The following ABCA13 variants were observed in gnomAD, a reference collection of about 807,000 sequenced individuals.
ABCA13 encodes the protein ATP binding cassette subfamily A member 13, also known as ATP-binding cassette sub-family A member 13.
Under a neutral mutation model 478.7 loss-of-function variants are expected in ABCA13, and 476 were observed. The ratio of observed to expected loss-of-function variants is 0.99; its 90% CI spans 0.92 to 1.07. ABCA13 has a LOEUF of 1.07. ABCA13 is among the 50% of genes least tolerant of loss of function. The pLI is 0.00. For missense variants in ABCA13, 6,060 were observed against 5,910.6 expected, an observed-to-expected ratio of 1.03 and a Z score of -0.83; for synonymous variants, 2,252 against 2,158.9, an observed-to-expected ratio of 1.04 and a Z score of -1.20.
rs1269533180 is a variant in ABCA13, at chr7:48,279,800, C to A, written c.8606C>A (p.Thr2869Asn). 6.2e-7 allele frequency: 1 copy of A among 1,602,060 alleles called. No individual in the cohort carries two copies. The highest frequency in any genetic ancestry group is 2.2e-5 in the East Asian group (1 of 44,744). ...GTCACATCAGAAAAAGAAGAGAGAACCAAGAAAGAGATGATTGACTTTCCT... is the reference window on the plus strand; with the variant it reads ...GTCACATCAGAAAAAGAAGAGAGAAACAAGAAAGAGATGATTGACTTTCCT... The part of the protein sequence containing the change: ...KNVTSEKEER[T>N]KKEMIDFPYS... Residue 2869 changes from threonine to asparagine, a missense_variant, in exon 18 of 62, where the codon ACC (threonine) becomes AAC (asparagine). Physicochemically the swap from Thr to Asn is moderately conservative, Grantham distance 65. Around this residue, in one of 3 missense-constraint regions of ABCA13, gnomAD observed 4,423 missense variants for 4,309.1 expected, o/e 1.03. Coordinates refer to ENST00000435803, the MANE Select transcript of ABCA13 (RefSeq NM_152701.5).
intron 44 of ABCA13, 129 bp downstream of exon 44, chr7:48,467,174 C>A: frequency 1.1e-6 from 1 of 895,100 alleles, no homozygotes; most frequent in South Asian, 1.4e-5. Flanking sequence ...TGAAAATTAG[C>A]CTAATGACTA....
intron 39 of ABCA13, 107 bp downstream of exon 39, chr7:48,403,986 A>T (rs1387238135): frequency 7.7e-7 from 1 of 1,301,946 alleles, no homozygotes; most frequent in South Asian, 1.3e-5. Context: ...AGGCTACATT[A>T]TCCTTTTCAG....
At chr7:48,444,323 C>A (rs1824004514) in intron 42 of ABCA13, among the ~76,000 whole-genome samples, 1 of 152,160 alleles carries the variant, frequency 6.6e-6, no homozygotes, top group Non-Finnish European at 1.5e-5. Flanking sequence ...CTGTGACTTG[C>A]ATCGTCGTCT....
rs2128753079 is a variant in ABCA13, at chr7:48,273,701, C to T, written c.4035C>T (p.Ser1345=). The T allele has an allele frequency of 3.7e-6, 6 of 1,608,174 alleles. No homozygotes were observed. The East Asian group carries it at 8.9e-5, about 24-fold the overall frequency. The change falls in exon 17 of 62, where the codon TCC becomes TCT. Residue 1345 remains serine (S), a synonymous_variant. Coordinates refer to ENST00000435803, the MANE Select transcript of ABCA13 (RefSeq NM_152701.5). The part of the protein sequence containing the change: ...RNVSHDRDLF[S]CADIFQNVTE... ...TATCACATGATCGAGATTTGTTTTC[C>T]TGTGCTGATATTTTCCAAAATGTTA...
rs971752493 is a variant in ABCA13, at chr7:48,293,195, C to CCCG, written c.8956-2503_8956-2502insGCC. 2.6e-3 allele frequency among the ~76,000 whole-genome samples: 335 copies of CCCG among 130,994 alleles called. 24 individuals are homozygous for CCCG. The highest frequency in any genetic ancestry group is 8.7e-3 in the East Asian group (31 of 3,546). The allele number at this position is 130,994 out of a possible 152,430, so 85.9% of individuals were successfully genotyped here. ...ATCATTTCCTGAGAAGTCTTCAGCC[C>CCCG]CCCCCCCGCCACACACACACTAAAT... is the stretch of plus-strand genomic sequence containing the variant. On this transcript the variant is annotated intron_variant, in intron 20 of 61. Coordinates refer to ENST00000435803, the MANE Select transcript of ABCA13 (RefSeq NM_152701.5).
At chr7:48,519,400 C>A (rs1832371184) in intron 52 of ABCA13, among the ~76,000 whole-genome samples, 2 of 152,138 alleles carry the variant, frequency 1.3e-5, no homozygotes, top group Admixed American at 6.5e-5. Flanking sequence ...CAGTGGTGAA[C>A]AATAAGTCTG....
Position 48,475,458 on chromosome 7 carries a change from A to ATTTTTT in ABCA13, c.12975+3879_12975+3884dup, listed in dbSNP as rs398047655. Among the ~76,000 whole-genome samples the ATTTTTT allele has an allele frequency of 3.2e-4, 32 of 100,496 alleles. 1 individual carries two copies. Among genetic ancestry groups the ATTTTTT allele is most frequent in the Non-Finnish European group, 3.4e-4 (18 of 53,072 alleles). 65.9% of individuals were successfully genotyped at this position (100,496 alleles called of 152,430 possible). A position where few individuals can be genotyped will look rare whatever the true frequency, so the allele number is the denominator to read the frequency against. On this transcript the variant is annotated intron_variant, in intron 45 of 61. Coordinates refer to ENST00000435803, the MANE Select transcript of ABCA13 (RefSeq NM_152701.5). ...GGGTCTGCAAGAGCATGTCAATTTA[A>ATTTTTT]TTTTTTTTTTTTTTTTTTTTTTTTT...
At chr7:48,213,224 T>C (rs1007589575) in intron 3 of ABCA13, among the ~76,000 whole-genome samples, 34 of 152,318 alleles carry the variant, frequency 2.2e-4, no homozygotes, top group African/African-American at 8.2e-4. Context: ...TCAGTTGATT[T>C]GTTAATAGTA....
chr7:48,497,507 CTGTAATA>C (rs982755921), intron 48 of ABCA13, among the ~76,000 whole-genome samples: 1 of 152,080 alleles, frequency 6.6e-6, no homozygotes, highest in African/African-American at 2.4e-5. Flanking sequence ...ATTTTGGAAA[CTGTAATA>C]TGTGACTCTG....
At chr7:48,327,867 G>T (rs1468256384) in intron 27 of ABCA13, among the ~76,000 whole-genome samples, 2 of 152,144 alleles carry the variant, frequency 1.3e-5, no homozygotes, top group Admixed American at 1.3e-4. Flanking sequence ...TCACCTTTGG[G>T]AGGATGAGAA....
intron 60 of ABCA13, among the ~76,000 whole-genome samples, chr7:48,644,085 C>T (rs1795282968): frequency 2.6e-5 from 4 of 152,140 alleles, no homozygotes; most frequent in Admixed American, 2.6e-4. Context: ...TTAGTGAAAT[C>T]CTACTATGCA....
At chr7:48,316,349 T>C (rs1802580487) in intron 26 of ABCA13, among the ~76,000 whole-genome samples, 1 of 152,250 alleles carries the variant, frequency 6.6e-6, no homozygotes, top group Non-Finnish European at 1.5e-5. Flanking sequence ...TTGTGACTGT[T>C]GAAATGAGAA....
intron 48 of ABCA13, among the ~76,000 whole-genome samples, chr7:48,500,274 G>A (rs1004424465): frequency 2.6e-5 from 4 of 152,144 alleles, no homozygotes; most frequent in Non-Finnish European, 5.9e-5. Flanking sequence ...AGAACAAGGG[G>A]TATCATGGGA....
At chr7:48,335,658 C>T in intron 28 of ABCA13, 123 bp downstream of exon 28, 1 of 588,082 alleles carries the variant, frequency 1.7e-6, no homozygotes, top group Non-Finnish European at 2.7e-6. Context: ...CTAGTTGACT[C>T]ATATAATTGA....
At chr7:48,510,715 C>A (rs117067272) in intron 50 of ABCA13, among the ~76,000 whole-genome samples, 2,521 of 152,266 alleles carry the variant, frequency 0.017, 30 homozygotes, top group Non-Finnish European at 0.024. Context: ...GACAGCCATC[C>A]TCTCCCTGTG....
chr7:48,234,274 A>G, intron 8 of ABCA13, 123 bp downstream of exon 8: 4 of 1,320,128 alleles, frequency 3.0e-6, no homozygotes, highest in Non-Finnish European at 4.3e-6. Flanking sequence ...GAGTTCGGTC[A>G]AAACCCGAGC....
rs1301874273 is a variant in ABCA13 at position 48,171,528 on chromosome 7, T to C, written c.45T>C (p.Asn15=). 1 of 1,536,376 alleles carries C rather than the reference T, an allele frequency of 6.5e-7. No individual in the cohort carries two copies. The highest frequency in any genetic ancestry group is 2.4e-5 in the East Asian group (1 of 40,902). The change falls in exon 1 of 62, where the codon AAT becomes AAC. Residue 15 remains asparagine (N), a synonymous_variant. Transcript: ENST00000435803. ...AGTTCAAAGCCCTGCTGTGGAAGAA[T>C]TGGCTCTGCAGACTCAGGAACCCGG... ...GCQFKALLWK[N]WLCRLRNPVL...
rs573865204 is a variant in ABCA13, at chr7:48,295,689, A to G, written c.8956-11A>G. ...TGTGCTTCTAACCTATATCATTGCT[A>G]TGTTTTCTAGGAAATTGAAAAGATA... On this transcript the variant is annotated splice_polypyrimidine_tract_variant and intron_variant, in intron 20 of 61. Transcript: ENST00000435803. 2 of 1,613,920 alleles carry G rather than the reference A, an allele frequency of 1.2e-6. No individual in the cohort carries two copies. The highest frequency in any genetic ancestry group is 8.5e-7 in the Non-Finnish European group (1 of 1,179,820).
chr7:48,418,202 A>C (rs1264038306), intron 41 of ABCA13, among the ~76,000 whole-genome samples: 1 of 152,232 alleles, frequency 6.6e-6, no homozygotes, highest in Non-Finnish European at 1.5e-5. Context: ...GTAAATACCT[A>C]AGACTGCAAC....
Sources: gnomAD v4.1 joint callset for allele counts (sites outside exome capture counted in the v4.1 genomes callset) on GRCh38, gnomAD v4.1.1 for gene constraint, gnomAD v4.1.1 regional missense constraint, MANE v1.5 for transcripts, NCBI Gene and HGNC (gene_info 2026-07-23, HGNC 2026-07-21) for gene names.